The following FBXL18 variants were observed in gnomAD, a reference collection of about 807,000 sequenced individuals.
FBXL18 encodes F-box/LRR-repeat protein 18.
In FBXL18, 36 loss-of-function variants were observed where a neutral mutation model predicts 46.0. That is an observed-to-expected ratio of 0.78 (90% CI 0.60 to 1.03). The LOEUF (loss-of-function observed/expected upper bound fraction) is 1.03. FBXL18 is among the 50% of genes least tolerant of loss of function. The pLI is 0.00. For missense variants in FBXL18, 977 were observed against 1,004.1 expected (o/e 0.97, Z 0.36); for synonymous variants, 557 against 465.3 (o/e 1.20, Z -2.54).
At chr7:5,487,025 G>A (rs1160353564) in intron 4 of FBXL18, among the ~76,000 whole-genome samples, 1 of 152,284 alleles carries the variant, frequency 6.6e-6, no homozygotes, top group Non-Finnish European at 1.5e-5. Flanking sequence ...CGCAAAGCAG[G>A]GGGCGGGGCC....
intron 3 of FBXL18, among the ~76,000 whole-genome samples, chr7:5,491,956 AGGCAGGGG>A (rs1783938919): frequency 6.6e-6 from 1 of 151,560 alleles, no homozygotes. Flanking sequence ...AGAATCTGGG[AGGCAGGGG>A]GTAAGGTGGG....
At chr7:5,492,811 C>T (rs940856625) in intron 3 of FBXL18, among the ~76,000 whole-genome samples, 1 of 152,100 alleles carries the variant, frequency 6.6e-6, no homozygotes, top group Non-Finnish European at 1.5e-5. Context: ...GGCTGGCAGG[C>T]GCCCGAGTTC....
In FBXL18 at chr7:5,505,465, G is replaced by C. The variant is rs777730773; in HGVS notation, c.184C>G (p.Leu62Val). 6.2e-7 allele frequency: 1 copy of C among 1,614,158 alleles called. No individual in the cohort carries two copies. Among genetic ancestry groups the C allele is most frequent in the Non-Finnish European group, 8.5e-7 (1 of 1,180,040 alleles). The part of the protein sequence containing the change: ...VRRTCRKLAA[L>V]CLDKSLIHTV... ...TGGATGAGGCTCTTGTCAAGGCACA[G>C]GGCTGCAAGCTTCCGACAGGTACGC... The change falls in exon 2 of 5, where the codon CTG becomes GTG. Residue 62 changes from leucine (L) to valine (V), a missense_variant. Transcript: ENST00000382368.
At chr7:5,463,735 T>TA (rs1783297452) in intron 4 of FBXL18, among the ~76,000 whole-genome samples, 7 of 30,836 alleles carry the variant, frequency 2.3e-4, no homozygotes, top group East Asian at 1.3e-3. Context: ...TTTATTTTTT[T>TA]TTTTTTTTTT....
chr7:5,492,753 A>C (rs1193184051), intron 3 of FBXL18, among the ~76,000 whole-genome samples: 1 of 152,058 alleles, frequency 6.6e-6, no homozygotes, highest in Non-Finnish European at 1.5e-5. Flanking sequence ...GTCACAACAG[A>C]GGCAGAGACT....
At position 5,501,347 on chromosome 7, in the gene FBXL18, G is replaced by A. The variant is rs1468101983; in HGVS notation, c.922C>T (p.Leu308=). 1.9e-6 allele frequency: 3 copies of A among 1,614,170 alleles called. No individual in the cohort carries two copies. Among genetic ancestry groups the A allele is most frequent in the East Asian group, 4.5e-5 (2 of 44,884 alleles). The change falls in exon 3 of 5, where the codon CTG becomes TTG. Residue 308 remains leucine (L), a synonymous_variant. Coordinates refer to ENST00000382368, the MANE Select transcript of FBXL18 (RefSeq NM_024963.6). ...PKSWLNGSSL[L]QHMKFNNPFY... The stretch of plus-strand genomic sequence containing the variant: ...GGGTTGTTGAATTTCATGTGCTGCA[G>A]GAGGGAAGAGCCGTTCAGCCAGGAC...
At chr7:5,463,002 T>TATATATAC (rs1783278545) in intron 4 of FBXL18, among the ~76,000 whole-genome samples, 1 of 87,530 alleles carries the variant, frequency 1.1e-5, no homozygotes, top group Non-Finnish European at 2.4e-5. Context: ...ATATAATATA[T>TATATATAC]ATACACACAC....
At chr7:5,513,301 C>A (rs1348421434) in intron 1 of FBXL18, among the ~76,000 whole-genome samples, 1 of 151,544 alleles carries the variant, frequency 6.6e-6, no homozygotes, top group Non-Finnish European at 1.5e-5. Context: ...GACGTGGGCA[C>A]GGAGGGGGAA....
intron 1 of FBXL18, among the ~76,000 whole-genome samples, chr7:5,506,939 T>A (rs1313993107): frequency 6.6e-6 from 1 of 152,200 alleles, no homozygotes; most frequent in South Asian, 2.1e-4. Flanking sequence ...GCCTGATGCC[T>A]TTTTGGTTTA....
intron 3 of FBXL18, among the ~76,000 whole-genome samples, chr7:5,497,901 C>A (rs1223047629): frequency 6.6e-6 from 1 of 152,074 alleles, no homozygotes; most frequent in Non-Finnish European, 1.5e-5. Context: ...CCACGTGCCC[C>A]TTAGGCTGGA....
chr7:5,500,206 G>A (rs577274979), intron 3 of FBXL18, among the ~76,000 whole-genome samples: 1 of 152,206 alleles, frequency 6.6e-6, no homozygotes, highest in African/African-American at 2.4e-5. Context: ...CACCTGGCAG[G>A]GTCCTGAGAC....
chr7:5,503,104 G>A (rs556449808), intron 2 of FBXL18, among the ~76,000 whole-genome samples: 9 of 152,358 alleles, frequency 5.9e-5, no homozygotes, highest in South Asian at 2.1e-4. Flanking sequence ...AAGGGAGGCC[G>A]GGCGCTTCAG....
At chr7:5,486,634 C>G (rs1371260959) in intron 4 of FBXL18, among the ~76,000 whole-genome samples, 2 of 152,048 alleles carry the variant, frequency 1.3e-5, no homozygotes, top group Admixed American at 6.6e-5. Flanking sequence ...GCCTGGGCAA[C>G]AGAGAGAGAC....
chr7:5,507,329 A>G lies in FBXL18; in HGVS notation c.19-1699T>C, dbSNP rs530143707. Among the ~76,000 whole-genome samples, 17 of 152,266 alleles carry G rather than the reference A, an allele frequency of 1.1e-4. No individual in the cohort carries two copies. The South Asian group carries it at 1.2e-3, about 11-fold the overall frequency. On this transcript the variant is annotated intron_variant, in intron 1 of 4. Transcript: ENST00000382368. Reference sequence around the variant, plus strand: ...GACAGTCCTTTCACCCTCTCCAGACAGGATTCCCATCCTGCTAAGCCCTCG... The same window carrying G: ...GACAGTCCTTTCACCCTCTCCAGACGGGATTCCCATCCTGCTAAGCCCTCG...
chr7:5,492,380 G>A (rs1562693295), intron 3 of FBXL18, among the ~76,000 whole-genome samples: 1 of 151,612 alleles, frequency 6.6e-6, no homozygotes, highest in Non-Finnish European at 1.5e-5. Context: ...GTTGTGGGGT[G>A]CAGCGAGCCC....
At position 5,480,186 on chromosome 7, in the gene FBXL18, G is replaced by A. The variant is rs1006300120; in HGVS notation, c.*1589C>T. ...GCAAATGTGAGACACCACCCCACAG[G>A]ACGGGGCATCTGTCACACGGAAACC... On this transcript the variant is annotated 3_prime_UTR_variant, in exon 5 of 5. Coordinates refer to ENST00000382368, the MANE Select transcript of FBXL18 (RefSeq NM_024963.6). 6.6e-6 allele frequency among the ~76,000 whole-genome samples: 1 copy of A among 152,192 alleles called. No individual in the cohort carries two copies. The highest frequency in any genetic ancestry group is 6.6e-5 in the Admixed American group (1 of 15,264).
At chr7:5,469,331 G>A (rs1414346886) in intron 4 of FBXL18, among the ~76,000 whole-genome samples, 1 of 152,232 alleles carries the variant, frequency 6.6e-6, no homozygotes, top group Non-Finnish European at 1.5e-5. Context: ...AGAATCGCTT[G>A]AACTCCGGAG....
chr7:5,510,527 C>T (rs528884007), intron 1 of FBXL18, among the ~76,000 whole-genome samples: 4 of 151,600 alleles, frequency 2.6e-5, no homozygotes, highest in South Asian at 4.2e-4. Context: ...ACTAAAAATA[C>T]AAAAATTAGC....
At chr7:5,490,109 G>A (rs766989654) in intron 4 of FBXL18, 9 of 1,361,364 alleles carry the variant, frequency 6.6e-6, no homozygotes, top group Admixed American at 1.9e-5. Flanking sequence ...CCAGAGTCTG[G>A]CAAGCAGGGT....
Sources: allele counts gnomAD v4.1 joint callset (sites outside exome capture counted in the v4.1 genomes callset), GRCh38; gene constraint gnomAD v4.1.1; transcripts MANE v1.5; gene names NCBI Gene and HGNC (gene_info 2026-07-23, HGNC 2026-07-21).